SLC35F4: variants seen among roughly 807,000 people sequenced by gnomAD.
SLC35F4 encodes solute carrier family 35 member F4.
A neutral mutation model predicts 44.2 loss-of-function variants in SLC35F4; 24 were observed. That is an observed-to-expected ratio of 0.54 (90% CI 0.39 to 0.76). The LOEUF (loss-of-function observed/expected upper bound fraction) is 0.76, where lower values mean the gene tolerates loss of function less well. SLC35F4 is among the 30% of genes least tolerant of loss of function. SLC35F4 has a pLI of 0.00. For synonymous variants in SLC35F4, 238 were observed against 223.6 expected (o/e 1.06, Z -0.57); for missense variants, 562 against 586.1 (o/e 0.96, Z 0.42).
chr14:57,954,432 A>T (rs1231581701), intron 1 of SLC35F4, among the ~76,000 whole-genome samples: 1 of 152,174 alleles, frequency 6.6e-6, no homozygotes, highest in East Asian at 1.9e-4. Flanking sequence ...TCAGAGTAGA[A>T]CTGAAGGGGA....
At chr14:57,665,299 A>C (rs2074271846) in intron 1 of SLC35F4, among the ~76,000 whole-genome samples, 1 of 152,136 alleles carries the variant, frequency 6.6e-6, no homozygotes. Context: ...CATGCACCAC[A>C]ACCCCAAATT....
chr14:57,672,970 A>T (rs2074569681), intron 1 of SLC35F4, among the ~76,000 whole-genome samples: 1 of 152,038 alleles, frequency 6.6e-6, no homozygotes, highest in Non-Finnish European at 1.5e-5. Context: ...CTAATTTAAC[A>T]TTTTATTCAA....
chr14:57,721,032 C>CATAT (rs3062934), intron 1 of SLC35F4, among the ~76,000 whole-genome samples: 1 of 118,584 alleles, frequency 8.4e-6, no homozygotes, highest in Non-Finnish European at 1.7e-5. Context: ...ATAAACTCCT[C>CATAT]ATATATATAT....
At chr14:57,911,935 A>G (rs1889223840) in intron 1 of SLC35F4, among the ~76,000 whole-genome samples, 1 of 151,976 alleles carries the variant, frequency 6.6e-6, no homozygotes, top group Admixed American at 6.6e-5. Flanking sequence ...GAAGGTTATT[A>G]ATTATTGATT....
chr14:57,847,649 T>C (rs190268647), intron 1 of SLC35F4, among the ~76,000 whole-genome samples: 1 of 152,296 alleles, frequency 6.6e-6, no homozygotes, highest in Admixed American at 6.5e-5. Context: ...GAAAAGTGCA[T>C]AAACCTTATG....
rs548797922 is a variant in SLC35F4 at position 57,571,299 on chromosome 14, G to A, written c.933+595C>T. Among the ~76,000 whole-genome samples the A allele has an allele frequency of 2.0e-5, 3 of 152,216 alleles. No homozygotes were observed. The South Asian group carries it at 6.2e-4, about 32-fold the overall frequency. On this transcript the variant is annotated intron_variant, in intron 5 of 7. Coordinates refer to ENST00000556826, the MANE Select transcript of SLC35F4 (RefSeq NM_001306087.2). ...TTCTTTGATGACAGGGAACTCCAGT[G>A]GAGAAAAAAATGGTGGGTACCTACA...
chr14:57,567,502 T>C (rs2068265575), intron 6 of SLC35F4, among the ~76,000 whole-genome samples: 1 of 152,210 alleles, frequency 6.6e-6, no homozygotes, highest in African/African-American at 2.4e-5. Context: ...AATTCCCGCT[T>C]TAAGCCCACT....
chr14:57,622,260 C>T (rs1317087810), intron 1 of SLC35F4, among the ~76,000 whole-genome samples: 1 of 132,744 alleles, frequency 7.5e-6, no homozygotes, highest in East Asian at 2.0e-4. Context: ...GTCAGTGTGG[C>T]GATTCCTCAG....
chr14:57,964,129 A>C (rs1890390355), intron 1 of SLC35F4, among the ~76,000 whole-genome samples: 1 of 152,126 alleles, frequency 6.6e-6, no homozygotes, highest in African/African-American at 2.4e-5. Context: ...CAGAGGATAA[A>C]TCACCTTCTT....
intron 1 of SLC35F4, among the ~76,000 whole-genome samples, chr14:57,910,351 G>A (rs1482282110): frequency 1.3e-5 from 2 of 151,998 alleles, no homozygotes; most frequent in African/African-American, 4.8e-5. Flanking sequence ...TACCTATGGT[G>A]TTGTACCTAA....
chr14:57,775,009 C>T (rs978792630), intron 1 of SLC35F4, among the ~76,000 whole-genome samples: 1 of 151,784 alleles, frequency 6.6e-6, no homozygotes, highest in Non-Finnish European at 1.5e-5. Context: ...ACCGCCCCCA[C>T]CAGCACTCCA....
chr14:57,620,697 A>C (rs2140090939), intron 1 of SLC35F4, among the ~76,000 whole-genome samples: 1 of 152,280 alleles, frequency 6.6e-6, no homozygotes, highest in African/African-American at 2.4e-5. Flanking sequence ...GATACGTCCC[A>C]TCAATACCTA....
At chr14:57,711,531 G>A (rs182026662) in intron 1 of SLC35F4, among the ~76,000 whole-genome samples, 1 of 152,164 alleles carries the variant, frequency 6.6e-6, no homozygotes, top group East Asian at 1.9e-4. Context: ...AATTTAATTT[G>A]GCCCAACCTA....
In SLC35F4 at chr14:57,628,729, G is replaced by A. The variant is rs934206363; in HGVS notation, c.104-34605C>T. On this transcript the variant is annotated intron_variant, in intron 1 of 7. Transcript: ENST00000556826. ...GAAATGTTAGCAAAGTCAAAGACAC[G>A]AAACCTCTTAAACACAATAATAAGA... Among the ~76,000 whole-genome samples, 10 of 152,012 alleles carry A rather than the reference G, an allele frequency of 6.6e-5. No homozygotes were observed. The South Asian group carries it at 8.3e-4, about 13-fold the overall frequency.
At chr14:57,903,866 A>G (rs1354544736) in intron 1 of SLC35F4, among the ~76,000 whole-genome samples, 3 of 152,218 alleles carry the variant, frequency 2.0e-5, no homozygotes, top group African/African-American at 4.8e-5. Flanking sequence ...TTATGACCCA[A>G]CAATAGATTT....
intron 1 of SLC35F4, among the ~76,000 whole-genome samples, chr14:57,745,376 C>T (rs2076727825): frequency 6.6e-6 from 1 of 152,126 alleles, no homozygotes; most frequent in African/African-American, 2.4e-5. Context: ...AGAACTTAAA[C>T]AAACGTAAAA....
At chr14:57,854,049 A>C (rs1352241381) in intron 1 of SLC35F4, among the ~76,000 whole-genome samples, 2 of 152,352 alleles carry the variant, frequency 1.3e-5, no homozygotes, top group African/African-American at 4.8e-5. Context: ...AGGAGAATCC[A>C]ATTCCAGCCT....
intron 1 of SLC35F4, among the ~76,000 whole-genome samples, chr14:57,642,664 T>C (rs1594678040): frequency 1.3e-5 from 2 of 151,954 alleles, no homozygotes; most frequent in South Asian, 2.1e-4. Flanking sequence ...TGGATGGTTG[T>C]CTAAAATGTA....
Position 57,979,396 on chromosome 14 carries a change from C to T in SLC35F4, n.152-2439G>A, listed in dbSNP as rs150373342. Among the ~76,000 whole-genome samples the T allele has an allele frequency of 1.7e-3, 257 of 152,252 alleles. 1 individual carries two copies. The Middle Eastern group carries it at 0.024, about 14-fold the overall frequency. Reference sequence around the variant, plus strand: ...AAGAGGTGGACTATATTGAACACTTCGTTTTCTCTCAGTCTCAATTCTTAT... The same window carrying T: ...AAGAGGTGGACTATATTGAACACTTTGTTTTCTCTCAGTCTCAATTCTTAT... On this transcript the variant is annotated intron_variant and non_coding_transcript_variant, in intron 1 of 1. Coordinates refer to the SLC35F4 transcript ENST00000554648.
Sources: allele counts gnomAD v4.1 joint callset (sites outside exome capture counted in the v4.1 genomes callset), GRCh38; gene constraint gnomAD v4.1.1; transcripts MANE v1.5; gene names NCBI Gene and HGNC (gene_info 2026-07-23, HGNC 2026-07-21).